Variants in MALRD1 observed in about 807,000 individuals in gnomAD.
MALRD1 encodes MAM and LDL-receptor class A domain-containing protein 1.
In MALRD1, 247 loss-of-function variants were observed where a neutral mutation model predicts 242.1. That is an observed-to-expected ratio of 1.02 (90% confidence interval 0.92 to 1.13). The LOEUF (loss-of-function observed/expected upper bound fraction) is 1.13, where lower values mean the gene tolerates loss of function less well. Among genes scored for constraint, MALRD1 ranks in the 50% most tolerant of loss-of-function variants. The pLI is 0.00. For synonymous variants in MALRD1, 995 were observed against 866.6 expected (o/e 1.15, Z -2.60); for missense variants, 2,989 against 2,533.1 (o/e 1.18, Z -3.86).
intron 8 of MALRD1, among the ~76,000 whole-genome samples, 167 bp from the exon 9 acceptor site, chr10:19,133,689 T>A (rs1051058775): frequency 1.1e-4 from 16 of 152,234 alleles, no homozygotes; most frequent in African/African-American, 3.9e-4. Context: ...TCTTATTTTT[T>A]AATGATATTC....
chr10:19,102,820 G>A (rs1433122657), intron 4 of MALRD1, among the ~76,000 whole-genome samples: 1 of 151,284 alleles, frequency 6.6e-6, no homozygotes, highest in Non-Finnish European at 1.5e-5. Flanking sequence ...TGTCTTGGGC[G>A]GGCTCCACAT....
chr10:19,233,259 T>G (rs1469444455), intron 18 of MALRD1, among the ~76,000 whole-genome samples: 1 of 152,142 alleles, frequency 6.6e-6, no homozygotes, highest in Non-Finnish European at 1.5e-5. Flanking sequence ...CCCAGCTCTT[T>G]GGGAGGCCGA....
At position 19,114,061 on chromosome 10, in the gene MALRD1, C is replaced by G. The variant is rs76524372; in HGVS notation, c.695-9431C>G. ...TTCTTCCTTGTGAGATACATATGCT[C>G]TATTCCATAAAAAAGCAGATTTAAA... On this transcript the variant is annotated intron_variant, in intron 5 of 39. Transcript: ENST00000454679. Among the ~76,000 whole-genome samples the G allele has an allele frequency of 2.6e-4, 40 of 152,266 alleles. No homozygotes were observed. The East Asian group carries it at 7.3e-3, about 28-fold the overall frequency.
intron 18 of MALRD1, among the ~76,000 whole-genome samples, chr10:19,209,901 T>C (rs936478332): frequency 2.0e-5 from 3 of 152,196 alleles, no homozygotes; most frequent in African/African-American, 7.2e-5. Context: ...GATGAACATG[T>C]GGCCATTGGA....
intron 14 of MALRD1, among the ~76,000 whole-genome samples, chr10:19,186,899 G>A (rs1008015503): frequency 6.6e-6 from 1 of 152,056 alleles, no homozygotes; most frequent in Non-Finnish European, 1.5e-5. Context: ...AAAAAGGGGC[G>A]TAAAGAGCCT....
chr10:19,293,213 G>C (rs1462123471), intron 21 of MALRD1, among the ~76,000 whole-genome samples: 1 of 152,080 alleles, frequency 6.6e-6, no homozygotes, highest in Non-Finnish European at 1.5e-5. Context: ...CTTAGAAACA[G>C]TTTTAGTGCA....
intron 29 of MALRD1, chr10:19,488,872 A>AT (rs575658794): frequency 6.8e-4 from 242 of 353,782 alleles, no homozygotes; most frequent in Non-Finnish European, 1.1e-3. Context: ...CAGAGTTAGG[A>AT]TTTTTGTTAA....
chr10:19,237,383 T>C (rs1247092075), intron 18 of MALRD1, among the ~76,000 whole-genome samples: 1 of 150,288 alleles, frequency 6.7e-6, no homozygotes, highest in East Asian at 1.9e-4. Context: ...AGAGAGATCA[T>C]GCGGTATTTG....
chr10:19,216,604 C>T (rs1434639924), intron 18 of MALRD1, among the ~76,000 whole-genome samples: 1 of 151,994 alleles, frequency 6.6e-6, no homozygotes, highest in Non-Finnish European at 1.5e-5. Flanking sequence ...AGTTTAAATA[C>T]AAATAATATT....
chr10:19,258,477 G>A (rs533385206), intron 19 of MALRD1, among the ~76,000 whole-genome samples: 1 of 152,212 alleles, frequency 6.6e-6, no homozygotes, highest in East Asian at 1.9e-4. Flanking sequence ...CGACAAGAGG[G>A]AACATGATCT....
At chr10:19,215,483 C>G (rs1837268290) in intron 18 of MALRD1, among the ~76,000 whole-genome samples, 1 of 152,162 alleles carries the variant, frequency 6.6e-6, no homozygotes, top group Non-Finnish European at 1.5e-5. Flanking sequence ...CTCGTTTCTT[C>G]TTTAAAAAAG....
intron 36 of MALRD1, among the ~76,000 whole-genome samples, chr10:19,654,421 C>G (rs377363693): frequency 5.0e-4 from 76 of 152,178 alleles, no homozygotes; most frequent in African/African-American, 1.8e-3. Flanking sequence ...ATAGTGCAAG[C>G]ATCAATGGAA....
intron 1 of MALRD1, among the ~76,000 whole-genome samples, chr10:19,055,833 A>C (rs1301123012): frequency 2.0e-5 from 3 of 152,188 alleles, no homozygotes; most frequent in East Asian, 3.9e-4. Context: ...AACAACAGAC[A>C]CTGGGGACTA....
chr10:19,450,568 A>G lies in MALRD1; in HGVS notation c.5029+78A>G, dbSNP rs545374345. ...TTTATTTTTGTTACACAAGTTTACA[A>G]TGCTTTACTGTTATGTATTTTGTAC... is the stretch of plus-strand genomic sequence containing the variant. On this transcript the variant is annotated intron_variant, in intron 29 of 39. Transcript: ENST00000454679. The G allele has an allele frequency of 2.0e-4, 248 of 1,240,186 alleles. No homozygotes were observed. In the African/African-American group the frequency reaches 2.4e-3, roughly 12 times the overall value. 76.8% of individuals were successfully genotyped at this position (1,240,186 alleles called of 1,614,324 possible). A position where few individuals can be genotyped will look rare whatever the true frequency, so the allele number is the denominator to read the frequency against.
chr10:19,684,421 C>G (rs1045752195), intron 36 of MALRD1, among the ~76,000 whole-genome samples: 5 of 152,268 alleles, frequency 3.3e-5, no homozygotes, highest in African/African-American at 9.6e-5. Context: ...GAGAGCGACA[C>G]CATCACCTTT....
At chr10:19,483,861 A>G (rs1837126475) in intron 29 of MALRD1, among the ~76,000 whole-genome samples, 1 of 152,208 alleles carries the variant, frequency 6.6e-6, no homozygotes, top group South Asian at 2.1e-4. Flanking sequence ...AATAGCAAGG[A>G]CATGGAATCA....
At chr10:19,646,145 A>T (rs1030324478) in intron 36 of MALRD1, among the ~76,000 whole-genome samples, 8 of 152,078 alleles carry the variant, frequency 5.3e-5, no homozygotes, top group African/African-American at 1.9e-4. Flanking sequence ...TTTCTCTGAG[A>T]CTACCCAAAG....
chr10:19,306,102 ATAGTATATATATACTATC>A lies in MALRD1; in HGVS notation c.3420-17835_3420-17818del, dbSNP rs1160772821. The stretch of plus-strand genomic sequence containing the variant: ...ATATACTATATATACTATATACTAG[ATAGTATATATATACTATC>A]TAGTATATATAGTATAGTATATATA... On this transcript the variant is annotated intron_variant, in intron 21 of 39. Coordinates refer to ENST00000454679, the MANE Select transcript of MALRD1 (RefSeq NM_001142308.3). Among the ~76,000 whole-genome samples the A allele has an allele frequency of 3.5e-5, 4 of 113,654 alleles. No individual in the cohort carries two copies. The East Asian group carries it at 9.6e-4, about 27-fold the overall frequency. 74.6% of individuals were successfully genotyped at this position (113,654 alleles called of 152,430 possible).
intron 38 of MALRD1, among the ~76,000 whole-genome samples, chr10:19,701,203 T>C (rs12261520): frequency 0.053 from 8,128 of 151,932 alleles, 590 homozygotes; most frequent in African/African-American, 0.17. Context: ...AGGAGTCCCT[T>C]AAAGGAAGCA....
Sources: gnomAD v4.1 joint callset for allele counts (sites outside exome capture counted in the v4.1 genomes callset) on GRCh38, gnomAD v4.1.1 for gene constraint, MANE v1.5 for transcripts, NCBI Gene and HGNC (gene_info 2026-07-23, HGNC 2026-07-21) for gene names.